PXDN: variants seen among roughly 807,000 people sequenced by gnomAD.
PXDN encodes the protein peroxidasin.
PXDN carries 77 observed loss-of-function variants against 140.3 expected under a neutral mutation model. The observed-to-expected ratio is 0.55, with a 90% CI of 0.46 to 0.66. PXDN has a LOEUF of 0.66. Ranked by LOEUF, PXDN falls within the 30% of genes least tolerant of loss-of-function variation. The pLI is 0.00. For synonymous variants in PXDN, 911 were observed against 857.4 expected, an observed-to-expected ratio of 1.06 and a Z score of -1.09; for missense variants, 1,838 against 2,039.5, an observed-to-expected ratio of 0.90 and a Z score of 1.90.
chr2:1,710,768 C>T (rs1285110498), intron 1 of PXDN, among the ~76,000 whole-genome samples: 1 of 53,418 alleles, frequency 1.9e-5, no homozygotes. Flanking sequence ...CCCACTCCAC[C>T]AGCACCCACT....
chr2:1,700,322 A>G (rs976056791), intron 1 of PXDN, among the ~76,000 whole-genome samples: 6 of 152,104 alleles, frequency 3.9e-5, no homozygotes, highest in Admixed American at 1.3e-4. Context: ...TCAGGCTCCC[A>G]AAGTGCTAGG....
rs141928105 is a variant in PXDN, at chr2:1,697,832, C to T, written c.201-4698G>A. On this transcript the variant is annotated intron_variant, in intron 1 of 22. Transcript: ENST00000252804. ...GTGGACCACTGGGTCACCTGCCCTC[C>T]GCAGCTGCAGGACCCTTCTCCCAAC... Among the ~76,000 whole-genome samples the T allele has an allele frequency of 2.7e-3, 418 of 152,288 alleles. 1 individual carries two copies. Among genetic ancestry groups the T allele is most frequent in the African/African-American group, 9.2e-3 (384 of 41,578 alleles).
intron 14 of PXDN, among the ~76,000 whole-genome samples, chr2:1,657,848 G>A (rs1427879816): frequency 3.6e-5 from 5 of 138,112 alleles, no homozygotes; most frequent in Admixed American, 7.0e-5. Flanking sequence ...ATTGGGACCC[G>A]CCCTCTCCTG....
intron 9 of PXDN, among the ~76,000 whole-genome samples, 151 bp from the exon 10 acceptor site, chr2:1,666,637 T>A (rs889078753): frequency 6.6e-6 from 1 of 152,104 alleles, no homozygotes; most frequent in Non-Finnish European, 1.5e-5. Context: ...TTTAAAGAAA[T>A]GTGCAGACAA....
Position 1,664,980 on chromosome 2 carries a change from G to A in PXDN, c.1386C>T (p.Pro462=), listed in dbSNP as rs531175244. 41 of 1,611,620 alleles carry A rather than the reference G, an allele frequency of 2.5e-5. No individual in the cohort carries two copies. The African/African-American group carries it at 2.9e-4, about 12-fold the overall frequency. ...TACCTCCCTTGGTCCAGGCGATGAC[G>A]GGCGGCGGGTTGCCCTTGGCTTCAC... is the stretch of plus-strand genomic sequence containing the variant. The part of the protein sequence containing the change: ...FQCEAKGNPP[P]VIAWTKGGSQ... Residue 462 remains proline, a synonymous_variant, in exon 11 of 23, where the codon CCC becomes CCT. Transcript: ENST00000252804.
At chr2:1,720,467 G>A (rs1685015062) in intron 1 of PXDN, among the ~76,000 whole-genome samples, 1 of 151,952 alleles carries the variant, frequency 6.6e-6, no homozygotes, top group Non-Finnish European at 1.5e-5. Flanking sequence ...GCAGAAGGGA[G>A]GTGTATTTTA....
chr2:1,655,335 CCA>C (rs987232261), intron 14 of PXDN, among the ~76,000 whole-genome samples: 12 of 150,696 alleles, frequency 8.0e-5, no homozygotes, highest in Admixed American at 2.7e-4. Flanking sequence ...CAGATACATA[CCA>C]CACACACACC....
Position 1,744,507 on chromosome 2 carries a change from C to T in PXDN, c.-52G>A, listed in dbSNP as rs1685645881. Reference sequence around the variant, plus strand: ...ACGCACGGAGCCACCACGGCCGGCTCCCGACTGCGCCCGCCCGGCCGCGGC... The same window carrying T: ...ACGCACGGAGCCACCACGGCCGGCTTCCGACTGCGCCCGCCCGGCCGCGGC... On this transcript the variant is annotated 5_prime_UTR_variant, in exon 1 of 23. Transcript: ENST00000252804. The T allele has an allele frequency of 7.6e-7, 1 of 1,315,450 alleles. No individual in the cohort carries two copies. Among genetic ancestry groups the T allele is most frequent in the Non-Finnish European group, 9.6e-7 (1 of 1,038,480 alleles). 81.5% of individuals were successfully genotyped at this position (1,315,450 alleles called of 1,614,324 possible).
intron 8 of PXDN, 139 bp from the exon 9 acceptor site, chr2:1,673,951 T>C: frequency 6.8e-6 from 6 of 875,968 alleles, no homozygotes; most frequent in South Asian, 3.4e-5. Context: ...GTCTCCTCCT[T>C]CCTGGCAGCC....
In PXDN at chr2:1,660,475, G is replaced by C. The variant is rs1236099997; in HGVS notation, c.1837+406C>G. On this transcript the variant is annotated intron_variant, in intron 14 of 22. Coordinates refer to ENST00000252804, the MANE Select transcript of PXDN (RefSeq NM_012293.3). The surrounding 1 kb of genome is among the most constrained non-coding windows in gnomAD (Gnocchi z 4.6). ...AGCATTCCTGGCCAAAGCCCGAGGA[G>C]AGAGAAACCGCAGCTAAGGAATCAG... 6.6e-6 allele frequency among the ~76,000 whole-genome samples: 1 copy of C among 152,212 alleles called. No homozygotes were observed. The highest frequency in any genetic ancestry group is 1.5e-5 in the Non-Finnish European group (1 of 68,038).
In PXDN at chr2:1,691,945, C is replaced by T. The variant is rs779363910; in HGVS notation, c.327G>A (p.Leu109=). Residue 109 remains leucine (L), a synonymous_variant, in exon 3 of 23, where the codon TTG becomes TTA. Transcript: ENST00000252804. The part of the protein sequence containing the change: ...KRIPSGAFED[L]ENLKYLYLYK... ...TAACTTACAGATATTTTAAATTTTC[C>T]AAGTCTTCAAATGCTCCACTAGGTA... 7.3e-6 allele frequency: 11 copies of T among 1,510,948 alleles called. No homozygotes were observed. In the South Asian group the frequency reaches 1.0e-4, roughly 14 times the overall value. 93.6% of individuals were successfully genotyped at this position (1,510,948 alleles called of 1,614,324 possible).
intron 1 of PXDN, among the ~76,000 whole-genome samples, chr2:1,724,271 A>T (rs1361423233): frequency 6.6e-6 from 1 of 151,006 alleles, no homozygotes; most frequent in Non-Finnish European, 1.5e-5. Flanking sequence ...ATCTCTACCA[A>T]CATCAGCCTT....
At position 1,687,147 on chromosome 2, in the gene PXDN, AGGTT is replaced by A. The variant is rs1169305260; in HGVS notation, c.416+481_416+484del. On this transcript the variant is annotated intron_variant, in intron 4 of 22. Coordinates refer to ENST00000252804, the MANE Select transcript of PXDN (RefSeq NM_012293.3). The surrounding 1 kb of genome is among the most constrained non-coding windows in gnomAD (Gnocchi z 4.0). ...CTAACTAGAACTACAAGGGAAAGAA[AGGTT>A]TTCTCCAAAATAATGTCACCACAAT... 1.3e-5 allele frequency among the ~76,000 whole-genome samples: 2 copies of A among 152,248 alleles called. No homozygotes were observed. Among genetic ancestry groups the A allele is most frequent in the East Asian group, 1.9e-4 (1 of 5,196 alleles).
At chr2:1,743,773 G>T (rs1685614768) in intron 1 of PXDN, among the ~76,000 whole-genome samples, 1 of 143,786 alleles carries the variant, frequency 7.0e-6, no homozygotes, top group Admixed American at 6.9e-5. Context: ...GAACGGGGCG[G>T]AGGGGGCTGG....
chr2:1,738,100 C>T (rs949383462), intron 1 of PXDN, among the ~76,000 whole-genome samples: 1 of 151,874 alleles, frequency 6.6e-6, no homozygotes, highest in Admixed American at 6.6e-5. Flanking sequence ...ATGTCCTGAT[C>T]GGCTATTTAA....
chr2:1,668,690 T>TG (rs1198782276), intron 9 of PXDN, among the ~76,000 whole-genome samples: 1 of 150,534 alleles, frequency 6.6e-6, no homozygotes, highest in Non-Finnish European at 1.5e-5. Flanking sequence ...AACAAACATA[T>TG]GAAAAAAAAG....
At chr2:1,708,886 C>G (rs142299757) in intron 1 of PXDN, among the ~76,000 whole-genome samples, 23 of 152,288 alleles carry the variant, frequency 1.5e-4, no homozygotes, top group African/African-American at 5.3e-4. Context: ...CAGGTTTTAT[C>G]AAGTACAGTT....
At chr2:1,712,654 C>T (rs1202364104) in intron 1 of PXDN, among the ~76,000 whole-genome samples, 3 of 152,198 alleles carry the variant, frequency 2.0e-5, no homozygotes, top group Admixed American at 2.0e-4. Flanking sequence ...GGTGGAAAAG[C>T]GGCCAGCAGC....
chr2:1,740,640 C>T (rs2125497661), intron 1 of PXDN, among the ~76,000 whole-genome samples: 1 of 152,178 alleles, frequency 6.6e-6, no homozygotes, highest in Middle Eastern at 3.4e-3. Flanking sequence ...TCCCCATACC[C>T]CGTCCCACCA....
Sources: allele counts gnomAD v4.1 joint callset (sites outside exome capture counted in the v4.1 genomes callset), GRCh38; gene constraint gnomAD v4.1.1; non-coding constraint Gnocchi (gnomAD v3.1); transcripts MANE v1.5; gene names NCBI Gene and HGNC (gene_info 2026-07-23, HGNC 2026-07-21).